NCBP1: variants seen among roughly 807,000 people sequenced by gnomAD.
NCBP1 encodes the protein nuclear cap binding protein subunit 1.
A neutral mutation model predicts 111.7 loss-of-function variants in NCBP1; 16 were observed. The ratio of observed to expected loss-of-function variants is 0.14; its 90% CI spans 0.10 to 0.22. The LOEUF (loss-of-function observed/expected upper bound fraction) is 0.22, where lower values mean the gene tolerates loss of function less well. Among genes scored for constraint, NCBP1 ranks in the 10% least tolerant of loss-of-function variants. The pLI is 1.00. For missense variants in NCBP1, 607 were observed against 957.5 expected (o/e 0.63, Z 4.83); for synonymous variants, 304 against 314.3 (o/e 0.97, Z 0.35).
chr9:97,655,697 C>T lies in NCBP1; in HGVS notation c.1236-5C>T, dbSNP rs776226426. 16 of 1,608,676 alleles carry T rather than the reference C, an allele frequency of 9.9e-6. 1 individual carries two copies. The highest frequency in any genetic ancestry group is 1.1e-5 in the Non-Finnish European group (13 of 1,177,194). The stretch of plus-strand genomic sequence containing the variant: ...TCTCTGCCTACCTCCCCCTTCTCTA[C>T]GTAGGTTTATTAATTGGTTTTCTCA... On this transcript the variant is annotated splice_polypyrimidine_tract_variant and splice_region_variant and intron_variant, in intron 12 of 22. Transcript: ENST00000375147.
intron 8 of NCBP1, among the ~76,000 whole-genome samples, chr9:97,649,950 T>G (rs1000392857): frequency 6.6e-6 from 1 of 152,100 alleles, no homozygotes; most frequent in Middle Eastern, 3.2e-3. Context: ...CATTAGAAAT[T>G]GTAAAAAAAA....
In NCBP1 at chr9:97,658,738, G is replaced by C; in HGVS notation, c.1472G>C (p.Ser491Thr). The C allele has an allele frequency of 2.5e-6, 4 of 1,591,952 alleles. No homozygotes were observed. The highest frequency in any genetic ancestry group is 2.6e-6 in the Non-Finnish European group (3 of 1,160,232). ...PTCIYKYGDE[S>T]SNSLPGHSVA... Reference sequence around the variant, plus strand: ...TGCATTTACAAGTATGGAGATGAAAGTAGCAGTAAGTAATGAAACTAATCC... The same window carrying C: ...TGCATTTACAAGTATGGAGATGAAACTAGCAGTAAGTAATGAAACTAATCC... Residue 491 changes from serine to threonine, a missense_variant, in exon 15 of 23, where the codon AGT becomes ACT. Coordinates refer to ENST00000375147, the MANE Select transcript of NCBP1 (RefSeq NM_002486.5).
intron 19 of NCBP1, among the ~76,000 whole-genome samples, chr9:97,666,554 C>T (rs1028551669): frequency 1.3e-5 from 2 of 152,082 alleles, no homozygotes; most frequent in African/African-American, 2.4e-5. Flanking sequence ...TCAGGGGGCT[C>T]GCCTGAATCT....
intron 20 of NCBP1, among the ~76,000 whole-genome samples, chr9:97,668,419 G>A (rs1284003138): frequency 1.3e-5 from 2 of 152,192 alleles, no homozygotes; most frequent in African/African-American, 2.4e-5. Flanking sequence ...ATTATTATAT[G>A]TCGGCTGGAG....
At chr9:97,654,204 C>A (rs1827577924) in intron 11 of NCBP1, among the ~76,000 whole-genome samples, 2 of 152,104 alleles carry the variant, frequency 1.3e-5, no homozygotes, top group African/African-American at 4.8e-5. Context: ...GTGATGCTTG[C>A]TGTTTGATAC....
intron 16 of NCBP1, among the ~76,000 whole-genome samples, chr9:97,661,326 C>T (rs1256905942): frequency 6.6e-6 from 1 of 152,156 alleles, no homozygotes; most frequent in Non-Finnish European, 1.5e-5. Context: ...GGATTTTTAA[C>T]CCCTGCTTTC....
rs1827818207 is a variant in NCBP1, at chr9:97,660,966, G to A, written c.1498G>A (p.Val500Ile). ...TTTAGATTCTCTTCCTGGACATTCTGTTGCCCTCTGTTTAGCTGTTGCCTT... is the reference window on the plus strand; with the variant it reads ...TTTAGATTCTCTTCCTGGACATTCTATTGCCCTCTGTTTAGCTGTTGCCTT... The part of the protein sequence containing the change: ...ESSNSLPGHS[V>I]ALCLAVAFKS... The change falls in exon 16 of 23, where the codon GTT becomes ATT. Residue 500 changes from valine (V) to isoleucine (I), a missense_variant. Val to Ile is a conservative substitution (Grantham distance 29, BLOSUM62 3). This residue lies in a region of NCBP1 where 282 missense variants were observed against 376.5 expected (regional missense o/e 0.75). Coordinates refer to ENST00000375147, the MANE Select transcript of NCBP1 (RefSeq NM_002486.5). The A allele has an allele frequency of 6.2e-7, 1 of 1,611,630 alleles. No homozygotes were observed. The highest frequency in any genetic ancestry group is 8.5e-7 in the Non-Finnish European group (1 of 1,179,376).
At chr9:97,661,985 G>A in intron 16 of NCBP1, 57 bp from the exon 17 acceptor site, 1 of 1,207,704 alleles carries the variant, frequency 8.3e-7, no homozygotes, top group Non-Finnish European at 1.2e-6. Flanking sequence ...TTTGAGGTAA[G>A]GCACCAAGGA....
Position 97,668,843 on chromosome 9 carries a change from T to C in NCBP1, c.2017-3T>C, listed in dbSNP as rs1382500178. ...TTTCCTTTTGTTCATTTGCCTTCTA[T>C]AGCGAAGTGATGATGACGACAGAAG... On this transcript the variant is annotated splice_region_variant and splice_polypyrimidine_tract_variant and intron_variant, in intron 20 of 22. Transcript: ENST00000375147. 6.2e-7 allele frequency: 1 copy of C among 1,610,232 alleles called. No homozygotes were observed. Among genetic ancestry groups the C allele is most frequent in the East Asian group, 2.2e-5 (1 of 44,822 alleles).
intron 8 of NCBP1, among the ~76,000 whole-genome samples, 183 bp downstream of exon 8, chr9:97,648,406 A>G (rs1366872939): frequency 1.3e-5 from 2 of 152,212 alleles, no homozygotes; most frequent in Non-Finnish European, 2.9e-5. Context: ...GCAAGAAATT[A>G]TATTTGGCAT....
At chr9:97,643,471 C>G (rs1024460633) in intron 4 of NCBP1, 111 bp downstream of exon 4, 1 of 1,166,782 alleles carries the variant, frequency 8.6e-7, no homozygotes, top group Non-Finnish European at 1.2e-6. Context: ...CATTCACTTT[C>G]ATAGCTTCAT....
chr9:97,635,205 TTCTA>T (rs1826974354), intron 1 of NCBP1, among the ~76,000 whole-genome samples: 1 of 152,184 alleles, frequency 6.6e-6, no homozygotes, highest in Non-Finnish European at 1.5e-5. Flanking sequence ...TAGTCCAGCT[TTCTA>T]TCTGACACCT....
chr9:97,641,916 T>G (rs1827217293), intron 3 of NCBP1, among the ~76,000 whole-genome samples: 1 of 152,138 alleles, frequency 6.6e-6, no homozygotes. Context: ...ATAGAGATAG[T>G]AGATACTGTC....
chr9:97,654,854 T>C (rs759917197), intron 11 of NCBP1, 26 bp from the exon 12 acceptor site: 5 of 1,609,212 alleles, frequency 3.1e-6, no homozygotes, highest in Non-Finnish European at 4.3e-6. Flanking sequence ...AAGTGGAGAA[T>C]AGTTTTCCTT....
chr9:97,644,594 C>G (rs1210317387), intron 4 of NCBP1, among the ~76,000 whole-genome samples: 1 of 152,202 alleles, frequency 6.6e-6, no homozygotes, highest in Non-Finnish European at 1.5e-5. Flanking sequence ...CAATAGCACA[C>G]TAAGCACACC....
intron 6 of NCBP1, among the ~76,000 whole-genome samples, chr9:97,646,562 G>A (rs747088734): frequency 5.3e-5 from 8 of 152,046 alleles, no homozygotes; most frequent in South Asian, 4.1e-4. Flanking sequence ...TTGGCCGGGC[G>A]CAGTGGCTCA....
At chr9:97,663,415 CATT>C (rs1314284749) in intron 18 of NCBP1, among the ~76,000 whole-genome samples, 1 of 151,972 alleles carries the variant, frequency 6.6e-6, no homozygotes, top group Non-Finnish European at 1.5e-5. Context: ...AATGATAAAA[CATT>C]GTTTTACATT....
intron 8 of NCBP1, 66 bp from the exon 9 acceptor site, chr9:97,650,437 T>TTGTTGAA (rs1827468424): frequency 8.3e-7 from 1 of 1,199,646 alleles, no homozygotes; most frequent in South Asian, 1.3e-5. Flanking sequence ...TCTCAAATAT[T>TTGTTGAA]TGTTGAATAA....
intron 11 of NCBP1, 104 bp downstream of exon 11, chr9:97,654,012 C>T: frequency 1.1e-6 from 1 of 945,494 alleles, no homozygotes; most frequent in Non-Finnish European, 1.6e-6. Context: ...AAAAATGTGG[C>T]TTTTGAAGTG....
Sources: gnomAD v4.1 joint callset for allele counts (sites outside exome capture counted in the v4.1 genomes callset) on GRCh38, gnomAD v4.1.1 for gene constraint, gnomAD v4.1.1 regional missense constraint, MANE v1.5 for transcripts, NCBI Gene and HGNC (gene_info 2026-07-23, HGNC 2026-07-21) for gene names.